The following AMPH variants were observed in gnomAD, a reference collection of about 807,000 sequenced individuals.
AMPH encodes the protein amphiphysin (Stiff-Mann syndrome with breast cancer 128kD autoantigen).
In AMPH, 49 loss-of-function variants were observed where a neutral mutation model predicts 99.1. That is an observed-to-expected ratio of 0.49 (90% confidence interval 0.39 to 0.63). The LOEUF (loss-of-function observed/expected upper bound fraction) is 0.63, where lower values mean the gene tolerates loss of function less well. Ranked by LOEUF, AMPH falls within the 20% of genes least tolerant of loss-of-function variation. The pLI, the probability that AMPH is intolerant of heterozygous loss-of-function variation, is 0.00. For missense variants in AMPH, 759 were observed against 863.4 expected (o/e 0.88, Z 1.52); for synonymous variants, 314 against 317.3 (o/e 0.99, Z 0.11).
chr7:38,457,760 G>A (rs1007383086), intron 11 of AMPH, among the ~76,000 whole-genome samples: 3 of 152,172 alleles, frequency 2.0e-5, no homozygotes, highest in African/African-American at 7.2e-5. Flanking sequence ...ATTACAGTCA[G>A]ACTATGTACT....
At chr7:38,474,073 A>G (rs899770413) in intron 7 of AMPH, among the ~76,000 whole-genome samples, 2 of 152,022 alleles carry the variant, frequency 1.3e-5, no homozygotes, top group African/African-American at 2.4e-5. Flanking sequence ...CCATCATAAT[A>G]CACAACAGGA....
At chr7:38,423,347 C>G (rs1457993039) in intron 15 of AMPH, among the ~76,000 whole-genome samples, 1 of 152,170 alleles carries the variant, frequency 6.6e-6, no homozygotes, top group Non-Finnish European at 1.5e-5. Context: ...CAGGCTTGCA[C>G]CCTCCAAACA....
At chr7:38,488,933 C>G (rs919211174) in intron 5 of AMPH, among the ~76,000 whole-genome samples, 1 of 152,098 alleles carries the variant, frequency 6.6e-6, no homozygotes, top group Admixed American at 6.6e-5. Flanking sequence ...AAGTGATCTA[C>G]AGATTCAATG....
chr7:38,480,245 G>A (rs1290168774), intron 5 of AMPH, among the ~76,000 whole-genome samples: 1 of 152,074 alleles, frequency 6.6e-6, no homozygotes, highest in Non-Finnish European at 1.5e-5. Flanking sequence ...TGGCAAAAGT[G>A]AACTGAATTA....
intron 10 of AMPH, among the ~76,000 whole-genome samples, 182 bp from the exon 11 acceptor site, chr7:38,461,593 C>T (rs1200501351): frequency 6.6e-6 from 1 of 152,100 alleles, no homozygotes; most frequent in Non-Finnish European, 1.5e-5. Flanking sequence ...CTCTCTGAGC[C>T]CTGATAAGCC....
chr7:38,551,543 C>T lies in AMPH; in HGVS notation c.70-16532G>A, dbSNP rs920851278. ...TAGCATACAGTATATTTAAATTATG[C>T]TGCGAAAAGTGGCCAGTATTAGAGA... On this transcript the variant is annotated intron_variant, in intron 1 of 20. Coordinates refer to ENST00000356264, the MANE Select transcript of AMPH (RefSeq NM_001635.4). Among the ~76,000 whole-genome samples the T allele has an allele frequency of 3.3e-5, 5 of 152,132 alleles. 1 individual carries two copies. The highest frequency in any genetic ancestry group is 1.2e-4 in the African/African-American group (5 of 41,416).
chr7:38,415,185 T>C (rs1785334324), intron 17 of AMPH, among the ~76,000 whole-genome samples: 1 of 152,198 alleles, frequency 6.6e-6, no homozygotes, highest in South Asian at 2.1e-4. Flanking sequence ...CTAGGTTTCT[T>C]TTGGAAACAC....
intron 7 of AMPH, among the ~76,000 whole-genome samples, chr7:38,474,816 T>C (rs1403944198): frequency 6.6e-6 from 1 of 152,186 alleles, no homozygotes; most frequent in African/African-American, 2.4e-5. Context: ...TAAGTAAGAA[T>C]ATCTGGTGCT....
At chr7:38,435,713 T>C (rs1206467789) in intron 12 of AMPH, among the ~76,000 whole-genome samples, 1 of 151,980 alleles carries the variant, frequency 6.6e-6, no homozygotes, top group Admixed American at 6.6e-5. Context: ...GCAAAAAGGC[T>C]TGGGGAAGCA....
At chr7:38,417,182 A>T (rs1785409195) in intron 17 of AMPH, among the ~76,000 whole-genome samples, 1 of 152,168 alleles carries the variant, frequency 6.6e-6, no homozygotes, top group African/African-American at 2.4e-5. Context: ...TACATATCAG[A>T]GCTCAGCCCA....
At chr7:38,522,804 C>G (rs556783000) in intron 2 of AMPH, among the ~76,000 whole-genome samples, 7 of 152,114 alleles carry the variant, frequency 4.6e-5, no homozygotes, top group African/African-American at 1.7e-4. Flanking sequence ...GAGGGAAGTA[C>G]AAATCTAGAA....
intron 2 of AMPH, among the ~76,000 whole-genome samples, chr7:38,509,653 T>A (rs111916083): frequency 2.0e-5 from 3 of 152,312 alleles, no homozygotes; most frequent in African/African-American, 7.2e-5. Flanking sequence ...ACTCAGTTGT[T>A]TTTCTCTCTG....
chr7:38,457,815 G>A (rs1787291266), intron 11 of AMPH, among the ~76,000 whole-genome samples: 2 of 152,104 alleles, frequency 1.3e-5, no homozygotes, highest in African/African-American at 4.8e-5. Flanking sequence ...CAAGAGAAAA[G>A]CATCTGTTTA....
chr7:38,631,266 G>C lies in AMPH; in HGVS notation c.69+17C>G. ...GCCTGGCGTCCCCGGCCCCAGCCCCGGCCGCCCGCCGCTGACCTTTTCCTG... is the reference window on the plus strand; with the variant it reads ...GCCTGGCGTCCCCGGCCCCAGCCCCCGCCGCCCGCCGCTGACCTTTTCCTG... On this transcript the variant is annotated intron_variant, in intron 1 of 20. Coordinates refer to ENST00000356264, the MANE Select transcript of AMPH (RefSeq NM_001635.4). 1 of 1,513,918 alleles carries C rather than the reference G, an allele frequency of 6.6e-7. No individual in the cohort carries two copies. Among genetic ancestry groups the C allele is most frequent in the Non-Finnish European group, 8.8e-7 (1 of 1,132,162 alleles). The allele number at this position is 1,513,918 out of a possible 1,614,324, so 93.8% of individuals were successfully genotyped here.
intron 2 of AMPH, among the ~76,000 whole-genome samples, chr7:38,525,159 G>GTA (rs147443910): frequency 4.1e-4 from 61 of 147,090 alleles, no homozygotes; most frequent in Admixed American, 6.1e-4. Context: ...TTACTTGTGT[G>GTA]TATATATATA....
intron 1 of AMPH, among the ~76,000 whole-genome samples, chr7:38,600,308 T>C (rs1163862252): frequency 6.6e-6 from 1 of 152,196 alleles, no homozygotes; most frequent in Non-Finnish European, 1.5e-5. Flanking sequence ...ATTCCTGTTA[T>C]AATATTCCTT....
At chr7:38,438,970 C>T (rs1180085439) in intron 11 of AMPH, among the ~76,000 whole-genome samples, 2 of 152,172 alleles carry the variant, frequency 1.3e-5, no homozygotes, top group South Asian at 2.1e-4. Context: ...TTGTAATCCC[C>T]ATGTTTGGTC....
chr7:38,610,306 G>A (rs1257348912), intron 1 of AMPH, among the ~76,000 whole-genome samples: 21 of 24,178 alleles, frequency 8.7e-4, no homozygotes, highest in East Asian at 2.7e-3. Context: ...GAAAAGAAAA[G>A]AAAAGAAAAG....
intron 5 of AMPH, among the ~76,000 whole-genome samples, chr7:38,484,424 G>C (rs1030724235): frequency 1.6e-4 from 25 of 152,216 alleles, no homozygotes; most frequent in African/African-American, 5.3e-4. Flanking sequence ...TTTAGCAGAA[G>C]CAGGCCAGAA....
Sources: allele counts gnomAD v4.1 joint callset (sites outside exome capture counted in the v4.1 genomes callset), GRCh38; gene constraint gnomAD v4.1.1; transcripts MANE v1.5; gene names NCBI Gene and HGNC (gene_info 2026-07-23, HGNC 2026-07-21).